The following MCC variants were observed in gnomAD, a reference collection of about 807,000 sequenced individuals.
The protein encoded by MCC is colorectal mutant cancer protein.
In MCC, 90 loss-of-function variants were observed where a neutral mutation model predicts 116.2. The observed-to-expected ratio is 0.77, with a 90% CI of 0.65 to 0.92. The LOEUF (loss-of-function observed/expected upper bound fraction) is 0.92. MCC is among the 40% of genes least tolerant of loss of function. The pLI is 0.00. For missense variants in MCC, 1,516 were observed against 1,312.2 expected, an observed-to-expected ratio of 1.16 and a Z score of -2.40; for synonymous variants, 578 against 510.5, an observed-to-expected ratio of 1.13 and a Z score of -1.78.
chr5:113,156,954 T>C (rs368115375), intron 3 of MCC, among the ~76,000 whole-genome samples: 83 of 152,320 alleles, frequency 5.4e-4, no homozygotes, highest in African/African-American at 1.8e-3. Flanking sequence ...CCAGCCCCCC[T>C]GAGCCCAGGT....
At chr5:113,376,839 T>A (rs1378287455) in intron 2 of MCC, among the ~76,000 whole-genome samples, 1 of 152,138 alleles carries the variant, frequency 6.6e-6, no homozygotes, top group Non-Finnish European at 1.5e-5. Flanking sequence ...GCTGAGCATG[T>A]AATCCAGGCC....
At chr5:113,280,048 T>C (rs17135543) in intron 3 of MCC, among the ~76,000 whole-genome samples, 20,961 of 152,224 alleles carry the variant, frequency 0.14, 2,076 homozygotes, top group Admixed American at 0.28. Flanking sequence ...ATCCCAGGAC[T>C]ACAACTTGCT....
intron 5 of MCC, among the ~76,000 whole-genome samples, chr5:113,134,895 G>A (rs528446020): frequency 6.0e-5 from 9 of 149,682 alleles, no homozygotes; most frequent in African/African-American, 2.0e-4. Flanking sequence ...ATCCTCTCCA[G>A]TTTCTTTAGA....
chr5:113,108,947 C>G (rs183917497), intron 6 of MCC, among the ~76,000 whole-genome samples: 1 of 152,166 alleles, frequency 6.6e-6, no homozygotes, highest in African/African-American at 2.4e-5. Context: ...GCTATTTTTC[C>G]CTGTTTGGAG....
intron 5 of MCC, among the ~76,000 whole-genome samples, chr5:113,123,843 A>T (rs988483764): frequency 3.3e-5 from 5 of 152,216 alleles, no homozygotes; most frequent in Non-Finnish European, 7.3e-5. Context: ...TTGTCTGTGA[A>T]GAAAGCTAGG....
At chr5:113,374,787 T>C (rs10043512) in intron 2 of MCC, among the ~76,000 whole-genome samples, 4,329 of 151,904 alleles carry the variant, frequency 0.028, 201 homozygotes, top group African/African-American at 0.094. Flanking sequence ...GCCCAGAAGT[T>C]CAAGACTAGC....
chr5:113,096,497 C>T (rs1756029014), intron 8 of MCC, among the ~76,000 whole-genome samples: 3 of 152,160 alleles, frequency 2.0e-5, no homozygotes, highest in African/African-American at 7.2e-5. Flanking sequence ...TGATTCACGG[C>T]CAAGCCCGGC....
chr5:113,040,632 C>T (rs1025171789), intron 17 of MCC, among the ~76,000 whole-genome samples: 42 of 152,140 alleles, frequency 2.8e-4, no homozygotes, highest in African/African-American at 9.7e-4. Context: ...GTATATAATA[C>T]AAACCCAAAC....
intron 1 of MCC, among the ~76,000 whole-genome samples, chr5:113,390,905 T>A (rs527516773): frequency 1.3e-5 from 2 of 152,308 alleles, no homozygotes; most frequent in African/African-American, 4.8e-5. Flanking sequence ...TTGCCCCAAA[T>A]CTTCAATTTG....
chr5:113,306,606 T>A, intron 3 of MCC, among the ~76,000 whole-genome samples: 1 of 152,348 alleles, frequency 6.6e-6, no homozygotes, highest in South Asian at 2.1e-4. Context: ...TTTCTTTATA[T>A]ACTCTGGAGA....
At chr5:113,245,290 CAAA>C (rs560902639) in intron 3 of MCC, among the ~76,000 whole-genome samples, 2 of 90,896 alleles carry the variant, frequency 2.2e-5, no homozygotes, top group Non-Finnish European at 2.4e-5. Flanking sequence ...AACTCCATCT[CAAA>C]AAAAAAAAAA....
At chr5:113,379,395 G>A (rs1345906823) in intron 2 of MCC, among the ~76,000 whole-genome samples, 1 of 152,162 alleles carries the variant, frequency 6.6e-6, no homozygotes, top group Non-Finnish European at 1.5e-5. Flanking sequence ...GATATTTTAA[G>A]CTCTATGTAG....
intron 6 of MCC, among the ~76,000 whole-genome samples, chr5:113,112,679 A>C (rs1054481988): frequency 6.6e-6 from 1 of 152,370 alleles, no homozygotes; most frequent in Non-Finnish European, 1.5e-5. Flanking sequence ...CAGCCCTAAA[A>C]GTTGATGATT....
intron 1 of MCC, among the ~76,000 whole-genome samples, chr5:113,397,785 A>G (rs1769564147): frequency 6.6e-6 from 1 of 152,230 alleles, no homozygotes; most frequent in African/African-American, 2.4e-5. Context: ...CTTGGAAAAG[A>G]ATACATGACT....
chr5:113,099,576 T>C (rs1052726665), intron 8 of MCC, among the ~76,000 whole-genome samples: 2 of 152,246 alleles, frequency 1.3e-5, no homozygotes, highest in African/African-American at 4.8e-5. Context: ...GCTATTATTG[T>C]CCCACTTCGT....
chr5:113,127,457 C>T (rs1295405149), intron 5 of MCC, among the ~76,000 whole-genome samples: 2 of 152,186 alleles, frequency 1.3e-5, no homozygotes, highest in Non-Finnish European at 2.9e-5. Context: ...AACTCATTTA[C>T]ACTCCCACCA....
chr5:113,039,722 C>G (rs865968417), intron 17 of MCC, among the ~76,000 whole-genome samples: 2 of 127,158 alleles, frequency 1.6e-5, no homozygotes, highest in African/African-American at 2.9e-5. Flanking sequence ...CCCCCCCCCC[C>G]AACCCACCCC....
At chr5:113,419,742 A>C (rs1770267607) in intron 1 of MCC, among the ~76,000 whole-genome samples, 1 of 151,192 alleles carries the variant, frequency 6.6e-6, no homozygotes, top group African/African-American at 2.4e-5. Context: ...GAAACTGGAA[A>C]CCATCATTCT....
intron 2 of MCC, among the ~76,000 whole-genome samples, chr5:113,353,295 G>A (rs1470311996): frequency 6.6e-6 from 1 of 152,156 alleles, no homozygotes; most frequent in Non-Finnish European, 1.5e-5. Flanking sequence ...AGACACAGGA[G>A]GGTCTGGGGG....
Sources: gnomAD v4.1 joint callset for allele counts (sites outside exome capture counted in the v4.1 genomes callset) on GRCh38, gnomAD v4.1.1 for gene constraint, MANE v1.5 for transcripts, NCBI Gene and HGNC (gene_info 2026-07-23, HGNC 2026-07-21) for gene names.